ADCY5: variants seen among roughly 807,000 people sequenced by gnomAD.
ADCY5 encodes the protein adenylate cyclase 5.
In ADCY5, 30 loss-of-function variants were observed where a neutral mutation model predicts 119.7. The observed-to-expected ratio is 0.25, with a 90% confidence interval of 0.19 to 0.34. ADCY5 has a LOEUF of 0.34. Among genes scored for constraint, ADCY5 ranks in the 10% least tolerant of loss-of-function variants. The pLI is 1.00. For synonymous variants in ADCY5, 753 were observed against 762.2 expected, an observed-to-expected ratio of 0.99 and a Z score of 0.20; for missense variants, 1,324 against 1,775.2, an observed-to-expected ratio of 0.75 and a Z score of 4.57.
intron 1 of ADCY5, among the ~76,000 whole-genome samples, chr3:123,414,567 T>C (rs932119239): frequency 6.6e-6 from 1 of 152,094 alleles, no homozygotes; most frequent in African/African-American, 2.4e-5. Flanking sequence ...GGCTTACCTT[T>C]TTTTTTTGAG....
At chr3:123,302,039 GC>G (rs1472161119) in intron 14 of ADCY5, among the ~76,000 whole-genome samples, 3 of 152,230 alleles carry the variant, frequency 2.0e-5, no homozygotes, top group Non-Finnish European at 4.4e-5. Flanking sequence ...TGGGTGGGGG[GC>G]CCACACTGAC....
chr3:123,285,937 A>G (rs1409945012), intron 20 of ADCY5, among the ~76,000 whole-genome samples: 1 of 152,202 alleles, frequency 6.6e-6, no homozygotes, highest in African/African-American at 2.4e-5. Context: ...AGAAGTCAGG[A>G]CATTTAAGCA....
chr3:123,299,845 C>T (rs1015010749), intron 15 of ADCY5, among the ~76,000 whole-genome samples: 3 of 152,326 alleles, frequency 2.0e-5, no homozygotes, highest in South Asian at 2.1e-4. Flanking sequence ...GCAGCTGGAC[C>T]GAGGTGAAAG....
At chr3:123,423,744 A>T (rs1277076533) in intron 1 of ADCY5, among the ~76,000 whole-genome samples, 1 of 152,220 alleles carries the variant, frequency 6.6e-6, no homozygotes, top group African/African-American at 2.4e-5. Flanking sequence ...TCCCAGGAGC[A>T]CACTGTCTTC....
chr3:123,411,760 G>A (rs1559868860), intron 1 of ADCY5, among the ~76,000 whole-genome samples: 1 of 152,144 alleles, frequency 6.6e-6, no homozygotes, highest in Non-Finnish European at 1.5e-5. Flanking sequence ...AAAGCCTCTG[G>A]GCTCACAGCT....
chr3:123,327,597 C>G (rs1170668807), intron 7 of ADCY5, 21 bp downstream of exon 7: 2 of 1,608,938 alleles, frequency 1.2e-6, no homozygotes, highest in African/African-American at 2.7e-5. Context: ...CCCTCAGCCC[C>G]CCGGCCCCCA....
intron 12 of ADCY5, among the ~76,000 whole-genome samples, chr3:123,312,466 T>C (rs112124491): frequency 0.018 from 2,744 of 152,108 alleles, 77 homozygotes; most frequent in African/African-American, 0.062. Flanking sequence ...ATCACACTCA[T>C]GTTGTGCAAC....
At chr3:123,387,014 A>G (rs1281454514) in intron 1 of ADCY5, among the ~76,000 whole-genome samples, 1 of 152,230 alleles carries the variant, frequency 6.6e-6, no homozygotes, top group Non-Finnish European at 1.5e-5. Context: ...GAGGAGAAAC[A>G]GGTACTCCCT....
At chr3:123,297,212 A>G in intron 16 of ADCY5, 141 bp downstream of exon 16, 3 of 1,380,460 alleles carry the variant, frequency 2.2e-6, no homozygotes, top group Non-Finnish European at 3.1e-6. Flanking sequence ...CCCAGGAGGA[A>G]CCAGCCTCCC....
chr3:123,318,945 C>G (rs1214013128), intron 10 of ADCY5, among the ~76,000 whole-genome samples: 1 of 152,176 alleles, frequency 6.6e-6, no homozygotes, highest in Non-Finnish European at 1.5e-5. Context: ...AACTTTAACA[C>G]CTTGAGGTCC....
intron 8 of ADCY5, among the ~76,000 whole-genome samples, chr3:123,321,772 T>C (rs1018356544): frequency 2.0e-5 from 3 of 152,162 alleles, no homozygotes; most frequent in African/African-American, 7.2e-5. Flanking sequence ...GGATTTATGT[T>C]CCTCTCCATG....
At chr3:123,409,067 G>A (rs1944980410) in intron 1 of ADCY5, among the ~76,000 whole-genome samples, 1 of 152,188 alleles carries the variant, frequency 6.6e-6, no homozygotes, top group South Asian at 2.1e-4. Context: ...AAGATTTAGA[G>A]AGCTAGCTGG....
intron 1 of ADCY5, among the ~76,000 whole-genome samples, chr3:123,379,656 C>T (rs552813412): frequency 1.3e-4 from 20 of 151,584 alleles, no homozygotes; most frequent in African/African-American, 4.6e-4. Context: ...TCAGGAGAGG[C>T]TCTGTGACTG....
chr3:123,335,146 G>A (rs1941960421), intron 3 of ADCY5, among the ~76,000 whole-genome samples: 1 of 152,112 alleles, frequency 6.6e-6, no homozygotes, highest in Non-Finnish European at 1.5e-5. Context: ...ACTTGGGACA[G>A]CCCCTACATA....
rs145432427 is a variant in ADCY5, at chr3:123,357,952, G to A, written c.1135-5371C>T. ...CTTCTCCACTCAGTGATCAAATAAT[G>A]AGCCCCTTCTTACACCCCCATAAAG... On this transcript the variant is annotated intron_variant, in intron 1 of 20. Coordinates refer to ENST00000462833, the MANE Select transcript of ADCY5 (RefSeq NM_183357.3). 8.1e-4 allele frequency among the ~76,000 whole-genome samples: 123 copies of A among 152,252 alleles called. 1 individual carries two copies. The highest frequency in any genetic ancestry group is 2.8e-3 in the African/African-American group (115 of 41,548).
At chr3:123,382,410 A>G (rs1472743553) in intron 1 of ADCY5, among the ~76,000 whole-genome samples, 3 of 152,208 alleles carry the variant, frequency 2.0e-5, no homozygotes, top group Non-Finnish European at 4.4e-5. Context: ...CAGAAAGTCC[A>G]CTTCTGAATT....
chr3:123,342,987 G>A (rs1419974997), intron 3 of ADCY5, among the ~76,000 whole-genome samples: 4 of 152,196 alleles, frequency 2.6e-5, no homozygotes, highest in African/African-American at 9.7e-5. Flanking sequence ...CAGCAGCCCT[G>A]CAAGGAGTCC....
At chr3:123,353,548 A>G (rs563219089) in intron 1 of ADCY5, among the ~76,000 whole-genome samples, 19 of 151,946 alleles carry the variant, frequency 1.3e-4, no homozygotes, top group African/African-American at 3.9e-4. Context: ...CACCTCAGTT[A>G]CTCCCACCAA....
intron 1 of ADCY5, among the ~76,000 whole-genome samples, chr3:123,412,793 A>G (rs1559869372): frequency 6.6e-6 from 1 of 151,842 alleles, no homozygotes. Flanking sequence ...CCTCAAGCTA[A>G]AAACAAAACA....
Sources: gnomAD v4.1 joint callset for allele counts (sites outside exome capture counted in the v4.1 genomes callset) on GRCh38, gnomAD v4.1.1 for gene constraint, MANE v1.5 for transcripts, NCBI Gene and HGNC (gene_info 2026-07-23, HGNC 2026-07-21) for gene names.